YTHDC2: variants seen among roughly 807,000 people sequenced by gnomAD.
YTHDC2 encodes the protein YTH N6-methyladenosine RNA binding protein C2.
Under a neutral mutation model 174.9 loss-of-function variants are expected in YTHDC2, and 45 were observed. That is an observed-to-expected ratio of 0.26 (90% CI 0.20 to 0.33). The LOEUF is 0.33. Among genes scored for constraint, YTHDC2 ranks in the 10% least tolerant of loss-of-function variants. The pLI is 1.00. For missense variants in YTHDC2, 1,650 were observed against 1,723.7 expected, an observed-to-expected ratio of 0.96 and a Z score of 0.76; for synonymous variants, 657 against 574.5, an observed-to-expected ratio of 1.14 and a Z score of -2.05.
intron 4 of YTHDC2, 45 bp downstream of exon 4, chr5:113,526,830 T>TAA: frequency 4.6e-6 from 1 of 217,478 alleles, no homozygotes; most frequent in Non-Finnish European, 7.8e-6. Context: ...AAAAAAAATA[T>TAA]ATATATATAT....
intron 2 of YTHDC2, among the ~76,000 whole-genome samples, chr5:113,519,916 G>A (rs1170527907): frequency 2.0e-5 from 3 of 151,986 alleles, no homozygotes; most frequent in Non-Finnish European, 4.4e-5. Context: ...TAAGTTCTGG[G>A]ATACATGTGC....
At position 113,556,044 on chromosome 5, in the gene YTHDC2, T is replaced by A. The variant is rs564896015; in HGVS notation, c.2134-8T>A. The A allele has an allele frequency of 1.0e-4, 156 of 1,543,310 alleles. No individual in the cohort carries two copies. Among genetic ancestry groups the A allele is most frequent in the Middle Eastern group, 1.7e-4 (1 of 5,862 alleles). ...TATTCTAACATAAAGATGGTTTAAA[T>A]ATTACAGAAATCCTTTGATGCTCTG... On this transcript the variant is annotated splice_region_variant and splice_polypyrimidine_tract_variant and intron_variant, in intron 16 of 29. Coordinates refer to ENST00000161863, the MANE Select transcript of YTHDC2 (RefSeq NM_022828.5).
At chr5:113,525,537 A>C (rs1774155447) in intron 3 of YTHDC2, among the ~76,000 whole-genome samples, 2 of 152,182 alleles carry the variant, frequency 1.3e-5, no homozygotes, top group Admixed American at 1.3e-4. Flanking sequence ...GAGGAATTAA[A>C]TAATTCATTC....
chr5:113,584,943 T>C (rs753493678), intron 26 of YTHDC2, among the ~76,000 whole-genome samples: 1 of 151,732 alleles, frequency 6.6e-6, no homozygotes, highest in Non-Finnish European at 1.5e-5. Flanking sequence ...CCCAGCTGAT[T>C]AAAGAAAAAT....
chr5:113,574,223 G>A (rs1777900537), intron 23 of YTHDC2, among the ~76,000 whole-genome samples: 1 of 152,142 alleles, frequency 6.6e-6, no homozygotes, highest in South Asian at 2.1e-4. Context: ...TAGGGCTGCT[G>A]CGGTTTGCTG....
intron 2 of YTHDC2, among the ~76,000 whole-genome samples, chr5:113,523,620 G>C (rs1774022768): frequency 6.6e-6 from 1 of 152,062 alleles, no homozygotes; most frequent in South Asian, 2.1e-4. Context: ...GTACCACCAA[G>C]TACTTTTTAA....
chr5:113,593,017 T>C, intron 28 of YTHDC2: 1 of 216,712 alleles, frequency 4.6e-6, no homozygotes, highest in East Asian at 9.3e-5. Flanking sequence ...ACAAAATCCA[T>C]TATTTTTAGG....
chr5:113,581,742 C>A, intron 25 of YTHDC2, 33 bp downstream of exon 25: 1 of 1,418,114 alleles, frequency 7.1e-7, no homozygotes, highest in African/African-American at 1.5e-5. Flanking sequence ...AAATGGGTCA[C>A]TTTTTATTCA....
At chr5:113,560,390 A>T (rs565907261) in intron 17 of YTHDC2, among the ~76,000 whole-genome samples, 57 of 152,170 alleles carry the variant, frequency 3.7e-4, no homozygotes, top group Non-Finnish European at 4.3e-4. Context: ...TTTTTCCACA[A>T]ACTTTTTGAA....
intron 10 of YTHDC2, among the ~76,000 whole-genome samples, chr5:113,547,912 A>C (rs1430664179): frequency 6.6e-6 from 1 of 152,186 alleles, no homozygotes; most frequent in Non-Finnish European, 1.5e-5. Context: ...ATTAATGCTA[A>C]GCAATTATAT....
At chr5:113,579,740 A>G (rs370596695) in intron 24 of YTHDC2, 45 bp downstream of exon 24, 2 of 1,533,094 alleles carry the variant, frequency 1.3e-6, no homozygotes, top group African/African-American at 2.8e-5. Context: ...TCATTCAGTT[A>G]GTGTGAATTG....
chr5:113,594,526 G>C lies in YTHDC2; in HGVS notation c.*1052G>C. 1 of 151,910 alleles carries C rather than the reference G, an allele frequency of 6.6e-6. No individual in the cohort carries two copies. The highest frequency in any genetic ancestry group is 1.9e-4 in the East Asian group (1 of 5,172). The allele number at this position is 151,910 out of a possible 1,614,324, so 9.4% of individuals were successfully genotyped here. A position where few individuals can be genotyped will look rare whatever the true frequency, so the allele number is the denominator to read the frequency against. On this transcript the variant is annotated 3_prime_UTR_variant, in exon 30 of 30. Coordinates refer to ENST00000161863, the MANE Select transcript of YTHDC2 (RefSeq NM_022828.5). The stretch of plus-strand genomic sequence containing the variant: ...TTTTCGCATATATGGTTTAATAAAT[G>C]GGGGATAATTTTTTTTTTGTAAATC...
Position 113,579,629 on chromosome 5 carries a change from C to G in YTHDC2, c.3288C>G (p.Asp1096Glu). ...PNDSSDSEME[D>E]KTTANLAALK... is the part of the protein sequence containing the mutation. The stretch of plus-strand genomic sequence containing the variant: ...ACAGTAGTGATAGTGAAATGGAGGA[C>G]AAAACTACAGCTAATTTGGCAGCCT... The change falls in exon 24 of 30, where the codon GAC becomes GAG. Residue 1096 changes from aspartate to glutamate, a missense_variant. Coordinates refer to ENST00000161863, the MANE Select transcript of YTHDC2 (RefSeq NM_022828.5). The G allele has an allele frequency of 1.9e-6, 3 of 1,610,648 alleles. No homozygotes were observed. Among genetic ancestry groups the G allele is most frequent in the Non-Finnish European group, 2.5e-6 (3 of 1,178,174 alleles).
At chr5:113,553,477 A>G in intron 13 of YTHDC2, 113 bp from the exon 14 acceptor site, 1 of 1,423,346 alleles carries the variant, frequency 7.0e-7, no homozygotes, top group Middle Eastern at 1.8e-4. Flanking sequence ...ATCTCCTGTC[A>G]TCTTATGATA....
intron 23 of YTHDC2, among the ~76,000 whole-genome samples, chr5:113,576,732 T>C (rs1163024474): frequency 6.6e-6 from 1 of 152,160 alleles, no homozygotes; most frequent in Non-Finnish European, 1.5e-5. Flanking sequence ...TTTATTTGGG[T>C]ACTGATATTT....
rs771188116 is a variant in YTHDC2 at position 113,563,880 on chromosome 5, T to C, written c.2464T>C (p.Trp822Arg). The change falls in exon 20 of 30, where the codon TGG becomes CGG. Residue 822 changes from tryptophan to arginine, a missense_variant. Trp to Arg is a moderately radical substitution (Grantham distance 101). Transcript: ENST00000161863. ...TTAGACAATAGATGCAATGGATACA[T>C]GGGAAGATCTGACTGAACTTGGGTA... The part of the protein sequence containing the change: ...MLKTIDAMDT[W>R]EDLTELGYHL... 7 of 1,614,190 alleles carry C rather than the reference T, an allele frequency of 4.3e-6. No individual in the cohort carries two copies. The highest frequency in any genetic ancestry group is 5.1e-6 in the Non-Finnish European group (6 of 1,180,018).
At position 113,541,011 on chromosome 5, in the gene YTHDC2, A is replaced by G; in HGVS notation, c.1254A>G (p.Gln418=). The G allele has an allele frequency of 6.2e-7, 1 of 1,614,130 alleles. No homozygotes were observed. The highest frequency in any genetic ancestry group is 1.1e-5 in the South Asian group (1 of 91,084). The change falls in exon 9 of 30, where the codon CAA becomes CAG. Residue 418 remains glutamine (Q), a synonymous_variant. Coordinates refer to ENST00000161863, the MANE Select transcript of YTHDC2 (RefSeq NM_022828.5). The part of the protein sequence containing the change: ...QTTLTEWYSA[Q]ENSFKPESQR... Reference sequence around the variant, plus strand: ...CACTTACAGAATGGTACTCAGCTCAAGAAAATAGTTTCAAGCCTGAATCTC... The same window carrying G: ...CACTTACAGAATGGTACTCAGCTCAGGAAAATAGTTTCAAGCCTGAATCTC...
At position 113,553,617 on chromosome 5, in the gene YTHDC2, A is replaced by T. The variant is rs754631628; in HGVS notation, c.1895A>T (p.Tyr632Phe). 6.8e-6 allele frequency: 11 copies of T among 1,613,470 alleles called. No individual in the cohort carries two copies. The highest frequency in any genetic ancestry group is 9.3e-6 in the Non-Finnish European group (11 of 1,179,552). ...GCAGTACTAATTTTTCTGCCTGGAT[A>T]TGACGAAATTGTTGGACTGAGAGAT... ...AGAVLIFLPG[Y>F]DEIVGLRDRI... is the part of the protein sequence containing the mutation. Residue 632 changes from tyrosine to phenylalanine, a missense_variant, in exon 14 of 30, where the codon TAT becomes TTT. Coordinates refer to ENST00000161863, the MANE Select transcript of YTHDC2 (RefSeq NM_022828.5).
At chr5:113,532,774 G>T in intron 4 of YTHDC2, 105 bp from the exon 5 acceptor site, 8 of 964,900 alleles carry the variant, frequency 8.3e-6, no homozygotes, top group East Asian at 2.5e-5. Context: ...ATTATATTTG[G>T]ACTTGTTATA....
Sources: allele counts gnomAD v4.1 joint callset (sites outside exome capture counted in the v4.1 genomes callset), GRCh38; gene constraint gnomAD v4.1.1; transcripts MANE v1.5; gene names NCBI Gene and HGNC (gene_info 2026-07-23, HGNC 2026-07-21).